The following POC1B variants were observed in gnomAD, a reference collection of about 807,000 sequenced individuals.
POC1B encodes the protein POC1 centriolar protein B, also known as POC1 centriolar protein homolog B.
In POC1B, 44 loss-of-function variants were observed where a neutral mutation model predicts 60.6. The observed-to-expected ratio is 0.73, with a 90% CI of 0.57 to 0.93. POC1B has a LOEUF of 0.93. Among genes scored for constraint, POC1B ranks in the 40% least tolerant of loss-of-function variants. The pLI is 0.00. For missense variants in POC1B, 555 were observed against 572.3 expected (o/e 0.97, Z 0.31); for synonymous variants, 180 against 198.9 (o/e 0.90, Z 0.80).
chr12:89,522,216 G>T (rs1870944373), intron 2 of POC1B: 1 of 398,442 alleles, frequency 2.5e-6, no homozygotes, highest in South Asian at 1.3e-4. Context: ...TGTTAAAAAG[G>T]CCTCCAAACT....
intron 10 of POC1B, among the ~76,000 whole-genome samples, chr12:89,447,954 G>A (rs1279083984): frequency 1.3e-5 from 2 of 151,838 alleles, no homozygotes; most frequent in Non-Finnish European, 2.9e-5. Flanking sequence ...GGACCTCCTG[G>A]AACTATAGAT....
chr12:89,522,441 T>C (rs562221685), intron 2 of POC1B: 1 of 362,962 alleles, frequency 2.8e-6, no homozygotes, highest in South Asian at 1.5e-4. Context: ...AAGTGGGATG[T>C]GCGGTGAACT....
At chr12:89,430,773 T>C (rs1275151977) in intron 10 of POC1B, among the ~76,000 whole-genome samples, 1 of 152,192 alleles carries the variant, frequency 6.6e-6, no homozygotes, top group Non-Finnish European at 1.5e-5. Flanking sequence ...AGTAACTTTA[T>C]CATCTCAGGT....
At chr12:89,510,513 T>G (rs1870127918) in intron 2 of POC1B, among the ~76,000 whole-genome samples, 1 of 152,230 alleles carries the variant, frequency 6.6e-6, no homozygotes, top group Non-Finnish European at 1.5e-5. Context: ...GAGGCTGCTC[T>G]ACCTCTCTGC....
chr12:89,507,196 T>C (rs991308320), intron 2 of POC1B, among the ~76,000 whole-genome samples: 1 of 129,752 alleles, frequency 7.7e-6, no homozygotes, highest in Non-Finnish European at 1.5e-5. Context: ...AGGTGGGAGA[T>C]AGAGGCTGTA....
intron 10 of POC1B, among the ~76,000 whole-genome samples, chr12:89,438,147 C>G (rs1881355246): frequency 6.6e-6 from 1 of 151,612 alleles, no homozygotes; most frequent in Non-Finnish European, 1.5e-5. Context: ...TGGTTCGCAT[C>G]TGTATTACTC....
intron 2 of POC1B, chr12:89,523,738 CCT>C: frequency 6.5e-7 from 1 of 1,547,792 alleles, no homozygotes; most frequent in Non-Finnish European, 8.7e-7. Context: ...CATGGGCTCC[CCT>C]ATCTGCATAT....
the POC1B span, among the ~76,000 whole-genome samples, chr12:89,414,690 C>T: frequency 2.3e-4 from 35 of 152,320 alleles, no homozygotes; most frequent in African/African-American, 8.2e-4. Flanking sequence ...TAGAGACCCA[C>T]CTGTTTTTAT....
Position 89,524,355 on chromosome 12 carries a change from C to T in POC1B, c.100+765G>A, listed in dbSNP as rs375415106. 7.4e-6 allele frequency: 12 copies of T among 1,613,902 alleles called. No homozygotes were observed. In the African/African-American group the frequency reaches 1.6e-4, roughly 22 times the overall value. ...GTGCACGGGAATCTGCAGGGGGCTT[C>T]TTATAAAGCGGTCGAGACAAATCCT... is the stretch of plus-strand genomic sequence containing the variant. On this transcript the variant is annotated intron_variant, in intron 2 of 11. Coordinates refer to ENST00000313546, the MANE Select transcript of POC1B (RefSeq NM_172240.3).
intron 4 of POC1B, among the ~76,000 whole-genome samples, chr12:89,484,524 G>A (rs997326165): frequency 1.3e-5 from 2 of 152,230 alleles, no homozygotes; most frequent in African/African-American, 4.8e-5. Context: ...ACTGGCATGT[G>A]AGGATAGTTA....
At position 89,420,690 on chromosome 12, in the gene POC1B, A is replaced by G. The variant is rs1159833784; in HGVS notation, c.*463T>C. On this transcript the variant is annotated 3_prime_UTR_variant, in exon 12 of 12. Coordinates refer to ENST00000313546, the MANE Select transcript of POC1B (RefSeq NM_172240.3). ...TAATTTCTATTTTGAACAGAAAGAC[A>G]TACAACTAGTCAGATCAATAACTCA... The G allele has an allele frequency of 6.5e-6, 1 of 152,944 alleles. No homozygotes were observed. The highest frequency in any genetic ancestry group is 1.5e-5 in the Non-Finnish European group (1 of 68,566). 9.5% of individuals were successfully genotyped at this position (152,944 alleles called of 1,614,324 possible). A position where few individuals can be genotyped will look rare whatever the true frequency, so the allele number is the denominator to read the frequency against.
At chr12:89,478,233 C>T (rs1883194637) in intron 4 of POC1B, among the ~76,000 whole-genome samples, 1 of 152,158 alleles carries the variant, frequency 6.6e-6, no homozygotes, top group Admixed American at 6.5e-5. Context: ...CCTCAGCTAC[C>T]CTGCTTCCCC....
intron 10 of POC1B, among the ~76,000 whole-genome samples, chr12:89,437,540 G>T (rs1881319599): frequency 6.6e-6 from 1 of 152,000 alleles, no homozygotes; most frequent in Admixed American, 6.6e-5. Flanking sequence ...TCACTTTTGG[G>T]AAGCTGTATC....
intron 8 of POC1B, among the ~76,000 whole-genome samples, chr12:89,467,414 AG>A (rs764962402): frequency 7.9e-5 from 12 of 152,352 alleles, no homozygotes; most frequent in Non-Finnish European, 1.2e-4. Flanking sequence ...AATGAGCAAA[AG>A]AAAATAACTA....
intron 4 of POC1B, among the ~76,000 whole-genome samples, chr12:89,490,251 T>C (rs1194749753): frequency 6.6e-6 from 1 of 152,170 alleles, no homozygotes; most frequent in Non-Finnish European, 1.5e-5. Context: ...GAGTCTAACT[T>C]CACCTCTCTG....
At chr12:89,409,515 G>A in the POC1B span, among the ~76,000 whole-genome samples, 1 of 152,012 alleles carries the variant, frequency 6.6e-6, no homozygotes, top group African/African-American at 2.4e-5. Flanking sequence ...ATGCTGTTTT[G>A]GTTACTGTAG....
At chr12:89,438,319 C>T (rs1485466413) in intron 10 of POC1B, among the ~76,000 whole-genome samples, 4 of 151,636 alleles carry the variant, frequency 2.6e-5, no homozygotes, top group Non-Finnish European at 5.9e-5. Flanking sequence ...TAGCTGGGTG[C>T]GGTGGCGGGC....
the POC1B span, among the ~76,000 whole-genome samples, chr12:89,412,807 GTTCCTTCC>G: frequency 3.4e-3 from 437 of 127,562 alleles, 5 homozygotes; most frequent in South Asian, 0.011. Context: ...AGAAACACAT[GTTCCTTCC>G]TTCCTTCCTT....
chr12:89,511,941 C>T (rs1015483574), intron 2 of POC1B, among the ~76,000 whole-genome samples: 24 of 152,146 alleles, frequency 1.6e-4, no homozygotes, highest in Non-Finnish European at 3.1e-4. Context: ...ATAGTACTAG[C>T]TACTTGGGAG....
Sources: allele counts gnomAD v4.1 joint callset (sites outside exome capture counted in the v4.1 genomes callset), GRCh38; gene constraint gnomAD v4.1.1; transcripts MANE v1.5; gene names NCBI Gene and HGNC (gene_info 2026-07-23, HGNC 2026-07-21).